Variants in GHR observed in about 807,000 individuals in gnomAD.
The protein encoded by GHR is GH receptor.
In GHR, 35 loss-of-function variants were observed where a neutral mutation model predicts 67.1. The ratio of observed to expected loss-of-function variants is 0.52; its 90% CI spans 0.40 to 0.69. GHR has a LOEUF of 0.69. Ranked by LOEUF, GHR falls within the 30% of genes least tolerant of loss-of-function variation. The pLI is 0.00. For missense variants in GHR, 792 were observed against 764.6 expected (o/e 1.04, Z -0.42); for synonymous variants, 272 against 269.1 (o/e 1.01, Z -0.10).
chr5:42,495,077 GC>G (rs5867589), intron 1 of GHR, among the ~76,000 whole-genome samples: 10,902 of 151,590 alleles, frequency 0.072, 422 homozygotes, highest in South Asian at 0.11. Context: ...CAATTCCCAC[GC>G]CCCCCCCCCA....
At chr5:42,544,691 G>A (rs909594934) in intron 1 of GHR, among the ~76,000 whole-genome samples, 5 of 152,098 alleles carry the variant, frequency 3.3e-5, no homozygotes, top group African/African-American at 1.2e-4. Flanking sequence ...GGTATACAAA[G>A]TAACCCAACA....
intron 3 of GHR, among the ~76,000 whole-genome samples, chr5:42,635,519 T>G (rs1412453053): frequency 2.0e-5 from 3 of 152,338 alleles, no homozygotes; most frequent in African/African-American, 4.8e-5. Flanking sequence ...TTGCAGTGAC[T>G]TTTTTCCAGC....
At position 42,539,448 on chromosome 5, in the gene GHR, C is replaced by G. The variant is rs147637139; in HGVS notation, c.-11-26416C>G. Among the ~76,000 whole-genome samples the G allele has an allele frequency of 5.1e-3, 774 of 152,292 alleles. 5 individuals are homozygous for G. The highest frequency in any genetic ancestry group is 8.7e-3 in the Non-Finnish European group (595 of 68,034). On this transcript the variant is annotated intron_variant, in intron 1 of 9. Transcript: ENST00000230882. ...AGTGATTGTTATCTCTCTTCTGGGTCTAGCCACACAACCAGTCTACCTGGC... is the reference window on the plus strand; with the variant it reads ...AGTGATTGTTATCTCTCTTCTGGGTGTAGCCACACAACCAGTCTACCTGGC...
chr5:42,523,503 G>A (rs765082522), intron 1 of GHR, among the ~76,000 whole-genome samples: 76 of 152,084 alleles, frequency 5.0e-4, no homozygotes, highest in Non-Finnish European at 9.6e-4. Flanking sequence ...GATGAGTGAC[G>A]TTTGATGCTA....
intron 1 of GHR, among the ~76,000 whole-genome samples, chr5:42,451,249 A>G (rs1744035164): frequency 6.6e-6 from 1 of 152,034 alleles, no homozygotes; most frequent in Non-Finnish European, 1.5e-5. Context: ...CACTATTATT[A>G]TGTTACTGTC....
chr5:42,480,474 G>A (rs556520901), intron 1 of GHR, among the ~76,000 whole-genome samples: 1 of 152,252 alleles, frequency 6.6e-6, no homozygotes, highest in South Asian at 2.1e-4. Context: ...TCTGTCTAAT[G>A]TTGACATTGG....
intron 5 of GHR, among the ~76,000 whole-genome samples, chr5:42,695,902 A>T (rs564486377): frequency 4.6e-5 from 7 of 152,214 alleles, no homozygotes; most frequent in Non-Finnish European, 1.0e-4. Flanking sequence ...TTTTCTAGGC[A>T]TAAGCTGACT....
chr5:42,469,699 T>C (rs1744911532), intron 1 of GHR, among the ~76,000 whole-genome samples: 1 of 152,198 alleles, frequency 6.6e-6, no homozygotes, highest in Non-Finnish European at 1.5e-5. Flanking sequence ...CCCAGGACAC[T>C]TGGCCTCAAT....
intron 2 of GHR, among the ~76,000 whole-genome samples, chr5:42,606,639 C>T (rs1006183546): frequency 1.3e-5 from 2 of 152,170 alleles, no homozygotes; most frequent in African/African-American, 4.8e-5. Flanking sequence ...CAGACACCTC[C>T]CACAAGGTCC....
At chr5:42,700,606 T>C (rs1757887630) in intron 6 of GHR, among the ~76,000 whole-genome samples, 1 of 152,106 alleles carries the variant, frequency 6.6e-6, no homozygotes, top group Non-Finnish European at 1.5e-5. Flanking sequence ...TTGATAAATT[T>C]CACATGGCAC....
intron 2 of GHR, among the ~76,000 whole-genome samples, chr5:42,590,822 A>G (rs1459885412): frequency 6.6e-6 from 1 of 152,216 alleles, no homozygotes; most frequent in Admixed American, 6.5e-5. Flanking sequence ...TGAGGCTGGA[A>G]CAAGGTGTAC....
chr5:42,544,475 T>C (rs1394159883), intron 1 of GHR, among the ~76,000 whole-genome samples: 1 of 152,096 alleles, frequency 6.6e-6, no homozygotes, highest in Non-Finnish European at 1.5e-5. Flanking sequence ...CTATGAAAAA[T>C]CTCATAAACA....
chr5:42,471,446 C>G (rs1745006862), intron 1 of GHR, among the ~76,000 whole-genome samples: 1 of 152,206 alleles, frequency 6.6e-6, no homozygotes, highest in Non-Finnish European at 1.5e-5. Flanking sequence ...AACATATACA[C>G]TTATGATGCA....
At chr5:42,565,399 A>G in intron 1 of GHR, 1 of 955,132 alleles carries the variant, frequency 1.0e-6, no homozygotes, top group Non-Finnish European at 1.2e-6. Context: ...TCTTTTGTTC[A>G]CTGGGAAACA....
intron 2 of GHR, among the ~76,000 whole-genome samples, chr5:42,570,114 T>G (rs542859774): frequency 6.6e-6 from 1 of 152,316 alleles, no homozygotes; most frequent in African/African-American, 2.4e-5. Context: ...ACATGTCAGA[T>G]ATATTTCACA....
intron 2 of GHR, among the ~76,000 whole-genome samples, chr5:42,626,776 T>C (rs1753726462): frequency 6.6e-6 from 1 of 152,170 alleles, no homozygotes; most frequent in Admixed American, 6.5e-5. Context: ...CAAATATGTA[T>C]TTCACAATAT....
chr5:42,502,774 G>GTA (rs1003305219), intron 1 of GHR, among the ~76,000 whole-genome samples: 40 of 147,544 alleles, frequency 2.7e-4, no homozygotes, highest in Non-Finnish European at 1.9e-4. Flanking sequence ...ATGTCTTTAT[G>GTA]TATATATATA....
At chr5:42,640,780 GTGTA>G (rs1385710434) in intron 3 of GHR, among the ~76,000 whole-genome samples, 4 of 151,988 alleles carry the variant, frequency 2.6e-5, no homozygotes, top group African/African-American at 9.7e-5. Flanking sequence ...GTGTGTGTGT[GTGTA>G]TCTTTTAATT....
chr5:42,473,698 G>T (rs934136050), intron 1 of GHR, among the ~76,000 whole-genome samples: 6 of 151,954 alleles, frequency 3.9e-5, no homozygotes, highest in African/African-American at 1.2e-4. Flanking sequence ...CCAACATGGT[G>T]AAACCCCGTC....
Sources: gnomAD v4.1 joint callset for allele counts (sites outside exome capture counted in the v4.1 genomes callset) on GRCh38, gnomAD v4.1.1 for gene constraint, MANE v1.5 for transcripts, NCBI Gene and HGNC (gene_info 2026-07-23, HGNC 2026-07-21) for gene names.